Variants in SEPTIN9 observed in about 807,000 individuals in gnomAD.
The protein encoded by SEPTIN9 is septin-9.
A neutral mutation model predicts 56.6 loss-of-function variants in SEPTIN9; 13 were observed. The observed-to-expected ratio is 0.23, with a 90% CI of 0.15 to 0.37. The LOEUF (loss-of-function observed/expected upper bound fraction) is 0.37. SEPTIN9 is among the 10% of genes least tolerant of loss of function. The probability of loss-of-function intolerance (pLI) is 1.00; values close to 1 mark genes in which losing one functional copy is unlikely to be tolerated. For synonymous variants in SEPTIN9, 332 were observed against 334.1 expected (o/e 0.99, Z 0.07); for missense variants, 650 against 823.1 (o/e 0.79, Z 2.57).
chr17:77,384,842 A>AACACACACAC (rs146495461), intron 2 of SEPTIN9, among the ~76,000 whole-genome samples: 521 of 142,248 alleles, frequency 3.7e-3, no homozygotes, highest in African/African-American at 0.012. Context: ...AACCTGTTTA[A>AACACACACAC]ACACACACAC....
At position 77,486,527 on chromosome 17, in the gene SEPTIN9, C is replaced by T. The variant is rs1363850341; in HGVS notation, c.914-897C>T. Among the ~76,000 whole-genome samples, 901 of 101,870 alleles carry T rather than the reference C, an allele frequency of 8.8e-3. 9 individuals are homozygous for T. The highest frequency in any genetic ancestry group is 0.017 in the Middle Eastern group (4 of 232). 66.8% of individuals were successfully genotyped at this position (101,870 alleles called of 152,430 possible). A position where few individuals can be genotyped will look rare whatever the true frequency, so the allele number is the denominator to read the frequency against. ...GTGTGTGTGTGTGTGTGTGTGCGCG[C>T]ACGCGCGCGCGTGTTATATGTGATT... On this transcript the variant is annotated intron_variant, in intron 4 of 11. Transcript: ENST00000427177.
chr17:77,442,897 G>T (rs984692561), intron 3 of SEPTIN9, among the ~76,000 whole-genome samples: 3 of 151,510 alleles, frequency 2.0e-5, no homozygotes, highest in African/African-American at 7.3e-5. Flanking sequence ...AAAAAAAAAA[G>T]CACATATTAT....
chr17:77,283,466 G>A (rs2031128540), intron 1 of SEPTIN9, among the ~76,000 whole-genome samples: 1 of 152,084 alleles, frequency 6.6e-6, no homozygotes, highest in Non-Finnish European at 1.5e-5. Context: ...GAGCTGTCTT[G>A]GCACCAGCCC....
In SEPTIN9 at chr17:77,499,636, C is replaced by A; in HGVS notation, c.*978C>A. ...CCCGGCGCCTGCCCTGCCCAAGTGACCAGGGAAGTGTGTGTGTGTCCATGT... is the reference window on the plus strand; with the variant it reads ...CCCGGCGCCTGCCCTGCCCAAGTGAACAGGGAAGTGTGTGTGTGTCCATGT... On this transcript the variant is annotated 3_prime_UTR_variant, in exon 12 of 12. Coordinates refer to ENST00000427177, the MANE Select transcript of SEPTIN9 (RefSeq NM_001113491.2). The A allele has an allele frequency of 2.3e-6, 1 of 435,156 alleles. No individual in the cohort carries two copies. Among genetic ancestry groups the A allele is most frequent in the Non-Finnish European group, 4.4e-6 (1 of 228,454 alleles). 27.0% of individuals were successfully genotyped at this position (435,156 alleles called of 1,614,324 possible). A position where few individuals can be genotyped will look rare whatever the true frequency, so the allele number is the denominator to read the frequency against.
chr17:77,397,689 G>A (rs1272928907), intron 2 of SEPTIN9, among the ~76,000 whole-genome samples: 12 of 151,990 alleles, frequency 7.9e-5, no homozygotes, highest in African/African-American at 2.2e-4. Flanking sequence ...TTGCTTTGTC[G>A]CCCAGGCTGG....
In SEPTIN9 at chr17:77,500,514, G is replaced by A. The variant is rs752171994; in HGVS notation, c.*1856G>A. 5 of 210,632 alleles carry A rather than the reference G, an allele frequency of 2.4e-5. No homozygotes were observed. Among genetic ancestry groups the A allele is most frequent in the Admixed American group, 5.9e-5 (1 of 16,950 alleles). 13.0% of individuals were successfully genotyped at this position (210,632 alleles called of 1,614,324 possible). ...AATGGCCTTTTGCTACGTGCCTCCC[G>A]AGAAATTTGTCTTTTTGTATAAATG... On this transcript the variant is annotated 3_prime_UTR_variant, in exon 12 of 12. Coordinates refer to ENST00000427177, the MANE Select transcript of SEPTIN9 (RefSeq NM_001113491.2).
rs1030363083 is a variant in SEPTIN9, at chr17:77,400,952, G to A, written c.77-1107G>A. ...CGAGGGAGCAGACCCTGGTGGAGAG[G>A]CAGGATGGCTGCAGGGCGGGAGCTG... On this transcript the variant is annotated intron_variant, in intron 2 of 11. Transcript: ENST00000427177. The surrounding 1 kb of genome is among the most constrained non-coding windows in gnomAD (Gnocchi z 4.1). Among the ~76,000 whole-genome samples, 2 of 152,178 alleles carry A rather than the reference G, an allele frequency of 1.3e-5. No homozygotes were observed. Among genetic ancestry groups the A allele is most frequent in the Non-Finnish European group, 2.9e-5 (2 of 68,034 alleles).
chr17:77,412,339 C>T (rs373732167), intron 3 of SEPTIN9, among the ~76,000 whole-genome samples: 39 of 152,158 alleles, frequency 2.6e-4, no homozygotes, highest in Admixed American at 5.9e-4. Context: ...TTGTGCATCT[C>T]GGTCAAGCGA....
rs2031362681 is a variant in SEPTIN9 at position 77,288,200 on chromosome 17, T to C, written c.19+6646T>C. 3 of 1,053,386 alleles carry C rather than the reference T, an allele frequency of 2.8e-6. No individual in the cohort carries two copies. In the East Asian group the frequency reaches 1.6e-4, roughly 56 times the overall value. 65.3% of individuals were successfully genotyped at this position (1,053,386 alleles called of 1,614,324 possible). On this transcript the variant is annotated intron_variant, in intron 1 of 11. Coordinates refer to ENST00000427177, the MANE Select transcript of SEPTIN9 (RefSeq NM_001113491.2). ...TTTCTCAATGGGGATGTGGCTTCAG[T>C]CTCTGTCCAGGTGGGTGCATTGCTC...
chr17:77,473,488 C>T (rs909587839), intron 3 of SEPTIN9, among the ~76,000 whole-genome samples: 5 of 152,174 alleles, frequency 3.3e-5, no homozygotes, highest in Non-Finnish European at 7.3e-5. Context: ...CCGCCTCGGC[C>T]TCCCAGAGTG....
chr17:77,339,512 T>A (rs907938165), intron 2 of SEPTIN9, among the ~76,000 whole-genome samples: 1 of 109,794 alleles, frequency 9.1e-6, no homozygotes, highest in Non-Finnish European at 2.2e-5. Context: ...TAGGTCTCAA[T>A]GATTTTTTTT....
At position 77,425,734 on chromosome 17, in the gene SEPTIN9, G is replaced by GC. The variant is rs967318784; in HGVS notation, c.721+23037dup. Among the ~76,000 whole-genome samples the GC allele has an allele frequency of 6.6e-6, 1 of 151,628 alleles. No individual in the cohort carries two copies. Among genetic ancestry groups the GC allele is most frequent in the African/African-American group, 2.4e-5 (1 of 41,180 alleles). ...CATGTTGGGAGGCTAAGAGGAAGCTGCCCCCCGCTCATCTACCCCCCAACC... is the reference window on the plus strand; with the variant it reads ...CATGTTGGGAGGCTAAGAGGAAGCTGCCCCCCCGCTCATCTACCCCCCAACC... On this transcript the variant is annotated intron_variant, in intron 3 of 11. Coordinates refer to ENST00000427177, the MANE Select transcript of SEPTIN9 (RefSeq NM_001113491.2). This position sits in a 1 kb window ranked among gnomAD's most constrained non-coding sequence, Gnocchi z 4.2.
intron 2 of SEPTIN9, among the ~76,000 whole-genome samples, chr17:77,361,524 G>T (rs1006386425): frequency 2.0e-5 from 3 of 152,206 alleles, no homozygotes; most frequent in Non-Finnish European, 2.9e-5. Context: ...TCTATAGGAA[G>T]GGGACATAGG....
chr17:77,470,493 C>T (rs1291425318), intron 3 of SEPTIN9, among the ~76,000 whole-genome samples: 3 of 152,202 alleles, frequency 2.0e-5, no homozygotes, highest in Non-Finnish European at 2.9e-5. Flanking sequence ...CACTCATCCA[C>T]CCATTCACTC....
Position 77,488,221 on chromosome 17 carries a change from C to A in SEPTIN9, c.1043-19C>A. On this transcript the variant is annotated intron_variant, in intron 5 of 11. Transcript: ENST00000427177. ...GTCTTCCGTCTCCCCTCTGACTCTG[C>A]GTCCGTGGCTCTGTGCAGATATTGA... 1 of 1,611,864 alleles carries A rather than the reference C, an allele frequency of 6.2e-7. No homozygotes were observed. Among genetic ancestry groups the A allele is most frequent in the African/African-American group, 1.3e-5 (1 of 75,004 alleles).
chr17:77,373,253 T>G (rs1423552108), intron 2 of SEPTIN9: 3 of 1,129,426 alleles, frequency 2.7e-6, no homozygotes, highest in African/African-American at 1.7e-5. Context: ...CCGGTGCGGG[T>G]GCGGGAACCT....
chr17:77,420,468 T>C (rs2036659880), intron 3 of SEPTIN9, among the ~76,000 whole-genome samples: 1 of 152,152 alleles, frequency 6.6e-6, no homozygotes, highest in Non-Finnish European at 1.5e-5. Flanking sequence ...AGTCCCCCAC[T>C]TGTGCTTGCA....
chr17:77,307,407 T>C (rs912383163), intron 2 of SEPTIN9, among the ~76,000 whole-genome samples: 4 of 152,184 alleles, frequency 2.6e-5, no homozygotes, highest in Non-Finnish European at 4.4e-5. Context: ...AGATGATCCT[T>C]GTGGGGGCAG....
intron 3 of SEPTIN9, among the ~76,000 whole-genome samples, chr17:77,413,119 T>TGC (rs1568049172): frequency 1.3e-4 from 19 of 150,038 alleles, no homozygotes; most frequent in African/African-American, 4.2e-4. Flanking sequence ...TGTGTGTGTG[T>TGC]GTGCTATTTT....
Sources: allele counts gnomAD v4.1 joint callset (sites outside exome capture counted in the v4.1 genomes callset), GRCh38; gene constraint gnomAD v4.1.1; non-coding constraint Gnocchi (gnomAD v3.1); transcripts MANE v1.5; gene names NCBI Gene and HGNC (gene_info 2026-07-23, HGNC 2026-07-21).